The following PRCP variants were observed in gnomAD, a reference collection of about 807,000 sequenced individuals.
PRCP encodes the protein lysosomal Pro-X carboxypeptidase.
A neutral mutation model predicts 54.2 loss-of-function variants in PRCP; 46 were observed. The observed-to-expected ratio is 0.85, with a 90% CI of 0.67 to 1.09. PRCP has a LOEUF of 1.09. Ranked by LOEUF, PRCP falls within the 50% of genes least tolerant of loss-of-function variation. PRCP has a pLI of 0.00. For missense variants in PRCP, 613 were observed against 596.8 expected (o/e 1.03, Z -0.28); for synonymous variants, 240 against 212.2 (o/e 1.13, Z -1.14).
chr11:82,849,355 T>C (rs1458567713), intron 5 of PRCP, 137 bp from the exon 6 acceptor site: 1 of 965,940 alleles, frequency 1.0e-6, no homozygotes, highest in African/African-American at 1.7e-5. Flanking sequence ...TCAGAGCAAC[T>C]GGAGAATCCC....
intron 4 of PRCP, 90 bp downstream of exon 4, chr11:82,850,234 T>C (rs778497479): frequency 1.4e-4 from 168 of 1,226,768 alleles, no homozygotes; most frequent in Non-Finnish European, 1.7e-4. Context: ...CTCAGGGTAA[T>C]GGCATGGAAC....
At position 82,868,845 on chromosome 11, in the gene PRCP, G is replaced by A. The variant is rs148196699; in HGVS notation, c.169-8728C>T. 7.8e-3 allele frequency among the ~76,000 whole-genome samples: 1,192 copies of A among 152,102 alleles called. 13 individuals are homozygous for A. The highest frequency in any genetic ancestry group is 9.7e-3 in the Non-Finnish European group (657 of 67,974). ...GAGGCCAGGAGTTCGAGACCAGCCT[G>A]CCCAACATGGCAAAACCTCTTCTCT... On this transcript the variant is annotated intron_variant, in intron 1 of 8. Transcript: ENST00000313010.
At chr11:82,827,622 G>T (rs983714556) in intron 8 of PRCP, 1 of 152,146 alleles carries the variant, frequency 6.6e-6, no homozygotes, top group African/African-American at 2.4e-5. Context: ...TTGTCTATAT[G>T]TCTATCCTTA....
intron 3 of PRCP, 116 bp from the exon 4 acceptor site, chr11:82,850,621 T>C (rs1858933176): frequency 9.1e-6 from 7 of 767,624 alleles, no homozygotes; most frequent in African/African-American, 5.4e-5. Context: ...ATAGAATTTC[T>C]AGGCAATTGA....
intron 1 of PRCP, among the ~76,000 whole-genome samples, chr11:82,869,372 A>C (rs1859424179): frequency 7.1e-6 from 1 of 141,586 alleles, no homozygotes; most frequent in Non-Finnish European, 1.6e-5. Flanking sequence ...AAAAAAAAAG[A>C]AGAAGAAAAG....
intron 6 of PRCP, among the ~76,000 whole-genome samples, chr11:82,848,614 G>A (rs761316206): frequency 2.6e-5 from 4 of 152,124 alleles, no homozygotes; most frequent in East Asian, 1.9e-4. Flanking sequence ...CAATGCTTTC[G>A]CAGCTGACTA....
chr11:82,843,779 C>T (rs1366859411), intron 6 of PRCP, among the ~76,000 whole-genome samples: 2 of 152,168 alleles, frequency 1.3e-5, no homozygotes, highest in African/African-American at 2.4e-5. Flanking sequence ...GATGGCAGGG[C>T]AGGTTCTTTC....
At chr11:82,889,618 G>A (rs1177114801) in intron 1 of PRCP, among the ~76,000 whole-genome samples, 2 of 152,086 alleles carry the variant, frequency 1.3e-5, no homozygotes, top group South Asian at 2.1e-4. Context: ...GTTAGAGGTA[G>A]GGGTTAAAAA....
At chr11:82,843,344 T>G (rs1858722004) in intron 6 of PRCP, 1 of 151,008 alleles carries the variant, frequency 6.6e-6, no homozygotes, top group African/African-American at 2.4e-5. Flanking sequence ...TAAAAGGAGA[T>G]ATTCACATAC....
intron 1 of PRCP, among the ~76,000 whole-genome samples, chr11:82,876,208 C>T (rs776872220): frequency 7.9e-5 from 12 of 152,156 alleles, no homozygotes; most frequent in South Asian, 2.1e-4. Flanking sequence ...GAAAGTCCCA[C>T]GTTGAAATGC....
At chr11:82,826,502 T>C (rs1196188921) in intron 8 of PRCP, 5 of 152,240 alleles carry the variant, frequency 3.3e-5, no homozygotes, top group African/African-American at 1.2e-4. Flanking sequence ...TTCTAGGATA[T>C]ATAGTAACAA....
chr11:82,893,750 A>G (rs1355688584), intron 1 of PRCP, among the ~76,000 whole-genome samples: 1 of 152,220 alleles, frequency 6.6e-6, no homozygotes, highest in East Asian at 1.9e-4. Flanking sequence ...CTATGATCAC[A>G]TGGCTTCACT....
rs188172480 is a variant in PRCP, at chr11:82,882,681, G to A, written c.168+17554C>T. On this transcript the variant is annotated intron_variant, in intron 1 of 8. Transcript: ENST00000313010. ...CGGCTAATTTTTTGTATTTTTAGTAGAGACGGGGTTTCACCGTTTTAGCCG... is the reference window on the plus strand; with the variant it reads ...CGGCTAATTTTTTGTATTTTTAGTAAAGACGGGGTTTCACCGTTTTAGCCG... Among the ~76,000 whole-genome samples the A allele has an allele frequency of 7.3e-3, 1,095 of 149,312 alleles. 12 individuals carry two copies. The highest frequency in any genetic ancestry group is 0.011 in the Admixed American group (166 of 15,148).
chr11:82,827,519 T>A (rs541063572), intron 8 of PRCP: 12 of 152,330 alleles, frequency 7.9e-5, no homozygotes, highest in African/African-American at 2.4e-4. Context: ...GAAAAAACTA[T>A]TCTTTTCTCA....
At chr11:82,869,603 T>C (rs1859430474) in intron 1 of PRCP, among the ~76,000 whole-genome samples, 1 of 152,330 alleles carries the variant, frequency 6.6e-6, no homozygotes, top group South Asian at 2.1e-4. Context: ...GACTTTTTTC[T>C]GTTTTGTCCA....
chr11:82,901,108 C>T (rs1354997030), upstream of PRCP, among the ~76,000 whole-genome samples: 1 of 152,202 alleles, frequency 6.6e-6, no homozygotes, highest in Non-Finnish European at 1.5e-5. Flanking sequence ...GGTCCAAAGA[C>T]TGTGCTCCTT....
chr11:82,853,244 G>A lies in PRCP; in HGVS notation c.344C>T (p.Ala115Val). 6.2e-7 allele frequency: 1 copy of A among 1,613,174 alleles called. No homozygotes were observed. Among genetic ancestry groups the A allele is most frequent in the Non-Finnish European group, 8.5e-7 (1 of 1,179,426 alleles). ...FMWDVAEELKAMLVFAEHRYY... is the reference protein window; with the variant it reads ...FMWDVAEELKVMLVFAEHRYY... ...TCGATGTTCAGCAAACACCAACATAGCTTTCAGTTCCTCAGCCACATCCCA... is the reference window on the plus strand; with the variant it reads ...TCGATGTTCAGCAAACACCAACATAACTTTCAGTTCCTCAGCCACATCCCA... Residue 115 changes from alanine to valine, a missense_variant, in exon 3 of 9, where the codon GCT (alanine) becomes GTT (valine). Physicochemically the swap from Ala to Val is moderately conservative, Grantham distance 64 (BLOSUM62 0). Coordinates refer to ENST00000313010, the MANE Select transcript of PRCP (RefSeq NM_005040.4).
chr11:82,824,534 C>A lies in PRCP; in HGVS notation c.*372G>T, dbSNP rs1277764131. 2 of 232,200 alleles carry A rather than the reference C, an allele frequency of 8.6e-6. No homozygotes were observed. Among genetic ancestry groups the A allele is most frequent in the Non-Finnish European group, 1.7e-5 (2 of 117,634 alleles). The allele number at this position is 232,200 out of a possible 1,614,324, so 14.4% of individuals were successfully genotyped here. A position where few individuals can be genotyped will look rare whatever the true frequency, so the allele number is the denominator to read the frequency against. Reference sequence around the variant, plus strand: ...ACTTTGTGTAGGGTAGGGATGGGGACTTACAAATGGGCCAAAGACACTTCA... The same window carrying A: ...ACTTTGTGTAGGGTAGGGATGGGGAATTACAAATGGGCCAAAGACACTTCA... On this transcript the variant is annotated 3_prime_UTR_variant, in exon 9 of 9. Transcript: ENST00000313010.
intron 6 of PRCP, among the ~76,000 whole-genome samples, chr11:82,844,465 G>A (rs1465608893): frequency 6.6e-6 from 1 of 151,700 alleles, no homozygotes; most frequent in African/African-American, 2.4e-5. Flanking sequence ...GGCCGGGCGC[G>A]GTGGCTCACG....
Sources: gnomAD v4.1 joint callset for allele counts (sites outside exome capture counted in the v4.1 genomes callset) on GRCh38, gnomAD v4.1.1 for gene constraint, MANE v1.5 for transcripts, NCBI Gene and HGNC (gene_info 2026-07-23, HGNC 2026-07-21) for gene names.